The following HAP1 variants were observed in gnomAD, a reference collection of about 807,000 sequenced individuals.
HAP1 encodes the protein huntingtin-associated protein 1.
Under a neutral mutation model 60.3 loss-of-function variants are expected in HAP1, and 59 were observed. That is an observed-to-expected ratio of 0.98 (90% CI 0.79 to 1.22). The LOEUF (loss-of-function observed/expected upper bound fraction) is 1.22, where lower values mean the gene tolerates loss of function less well. HAP1 is among the 50% of genes most tolerant of loss of function. HAP1 has a pLI of 0.00. For missense variants in HAP1, 825 were observed against 785.3 expected (o/e 1.05, Z -0.60); for synonymous variants, 346 against 330.6 (o/e 1.05, Z -0.50).
chr17:41,732,031 C>T lies in HAP1; in HGVS notation c.802G>A (p.Glu268Lys). The change falls in exon 4 of 11, where the codon GAG becomes AAG. Residue 268 changes from glutamate (E) to lysine (K), a missense_variant. Glu to Lys is a moderately conservative substitution (Grantham distance 56). Transcript: ENST00000347901. ...TCTGCCTCCTTTTCTTCCTCCTCCT[C>T]TTCTTCATCCTCATCCTCCTCATCA... ...DSDEEDEDEE[E>K]EEEEKEAEEE... is the part of the protein sequence containing the mutation. The T allele has an allele frequency of 6.4e-7, 1 of 1,566,444 alleles. No individual in the cohort carries two copies. The highest frequency in any genetic ancestry group is 8.8e-7 in the Non-Finnish European group (1 of 1,136,734).
rs1567787762 is a variant in HAP1, at chr17:41,734,575, T to C, written c.60A>G (p.Pro20=). 2.5e-6 allele frequency: 4 copies of C among 1,596,320 alleles called. No individual in the cohort carries two copies. The highest frequency in any genetic ancestry group is 3.4e-6 in the Non-Finnish European group (4 of 1,172,548). ...GCGAAGGTGCACAGGTGAGTGCTGC[T>C]GGGTCCCCGGGTCCGAGCCGGCTCC... ...CAGSRLGPGD[P]AALTCAPSPS... is the part of the protein sequence containing the mutation. The change falls in exon 1 of 11, where the codon CCA becomes CCG. Residue 20 remains proline, a synonymous_variant. Coordinates refer to ENST00000347901, the MANE Select transcript of HAP1 (RefSeq NM_177977.3).
At position 41,732,382 on chromosome 17, in the gene HAP1, C is replaced by G; in HGVS notation, c.562G>C (p.Val188Leu). 6.2e-7 allele frequency: 1 copy of G among 1,614,056 alleles called. No individual in the cohort carries two copies. ...ATCCCATAGGTAACGCTCTCCCAGACAGGTGGGAGAAGCTGGGGGGGACAC... is the reference window on the plus strand; with the variant it reads ...ATCCCATAGGTAACGCTCTCCCAGAGAGGTGGGAGAAGCTGGGGGGGACAC... ...LYLLEELLPP[V>L]WESVTYGMVL... The change falls in exon 3 of 11, where the codon GTC becomes CTC. Residue 188 changes from valine (V) to leucine (L), a missense_variant. By Grantham distance (32) the Val-to-Leu change is conservative. Coordinates refer to ENST00000347901, the MANE Select transcript of HAP1 (RefSeq NM_177977.3).
intron 9 of HAP1, among the ~76,000 whole-genome samples, chr17:41,726,476 C>T (rs564968070): frequency 1.2e-4 from 18 of 151,588 alleles, no homozygotes; most frequent in African/African-American, 4.1e-4. Flanking sequence ...GCAGGAGACT[C>T]GCTTGAACCC....
downstream of HAP1, among the ~76,000 whole-genome samples, chr17:41,720,395 A>C (rs1421432987): frequency 2.7e-5 from 4 of 147,984 alleles, no homozygotes; most frequent in Non-Finnish European, 4.5e-5. Context: ...GGGTTTCTCC[A>C]TGTTGCTCAG....
At position 41,723,885 on chromosome 17, in the gene HAP1, C is replaced by CT. The variant is rs145089449; in HGVS notation, c.*815_*816insA. The stretch of plus-strand genomic sequence containing the variant: ...AGAGAGGACGGGCTCAGATCTACCC[C>CT]GGCTGTGTGGCCCCAAACAAGTGTC... On this transcript the variant is annotated 3_prime_UTR_variant, in exon 11 of 11. Coordinates refer to ENST00000347901, the MANE Select transcript of HAP1 (RefSeq NM_177977.3). 0.037 allele frequency: 5,702 copies of CT among 152,310 alleles called. 239 individuals are homozygous for CT. The highest frequency in any genetic ancestry group is 0.11 in the African/African-American group (4,418 of 41,482). 9.4% of individuals were successfully genotyped at this position (152,310 alleles called of 1,614,324 possible).
At chr17:41,727,187 AC>A (rs1911718446) in intron 8 of HAP1, 43 bp from the exon 9 acceptor site, 2 of 1,026,120 alleles carry the variant, frequency 1.9e-6, no homozygotes, top group African/African-American at 1.6e-5. Flanking sequence ...CCCCCACAGA[AC>A]CCCCACCCAT....
In HAP1 at chr17:41,730,972, G is replaced by A. The variant is rs144135161; in HGVS notation, c.1069+521C>T. Among the ~76,000 whole-genome samples, 66 of 151,456 alleles carry A rather than the reference G, an allele frequency of 4.4e-4. No homozygotes were observed. The East Asian group carries it at 9.0e-3, about 21-fold the overall frequency. On this transcript the variant is annotated intron_variant, in intron 6 of 10. Transcript: ENST00000347901. ...GTCGCCCAGGCTGGGGTGCAGTGGC[G>A]TGATCTAGGCTCACTGCAAACTCTG...
Position 41,724,747 on chromosome 17 carries a change from GC to G in HAP1, c.1813del (p.Ala605ProfsTer48), listed in dbSNP as rs1555588155. The G allele has an allele frequency of 3.8e-6, 6 of 1,598,108 alleles. No homozygotes were observed. Reference sequence around the variant, plus strand: ...GCTTGTCCGGCTGGCGGCAGGGAGGGCCCCGTGGGGGCACTCACCTTTCTGG... The same window carrying G: ...GCTTGTCCGGCTGGCGGCAGGGAGGGCCCGTGGGGGCACTCACCTTTCTGG... ...MLQKGECPHG[A>X]LPAASRTSCR... is the part of the protein sequence containing the mutation. On this transcript the variant is annotated frameshift_variant, in exon 11 of 11. Transcript: ENST00000347901. LOFTEE classifies it high-confidence loss of function.
downstream of HAP1, chr17:41,721,009 G>A (rs2074991433): frequency 2.0e-5 from 3 of 152,028 alleles, no homozygotes; most frequent in African/African-American, 4.8e-5. Flanking sequence ...CCATTGGTCA[G>A]GCTGGTCTCG....
intron 6 of HAP1, 130 bp downstream of exon 6, chr17:41,731,363 A>G: frequency 1.3e-6 from 1 of 747,234 alleles, no homozygotes; most frequent in Non-Finnish European, 2.5e-6. Context: ...AGGTCAAGGA[A>G]TGTATCCAAG....
At chr17:41,726,403 C>CAAA (rs35627526) in intron 9 of HAP1, among the ~76,000 whole-genome samples, 3 of 136,452 alleles carry the variant, frequency 2.2e-5, no homozygotes, top group African/African-American at 5.7e-5. Context: ...GACTCCATCT[C>CAAA]AAAAAACAAA....
chr17:41,728,965 T>C (rs1555589745), intron 6 of HAP1, among the ~76,000 whole-genome samples: 1 of 145,150 alleles, frequency 6.9e-6, no homozygotes, highest in Non-Finnish European at 1.5e-5. Context: ...TTTATTTATT[T>C]GAGACCGAAT....
intron 8 of HAP1, chr17:41,727,539 G>C (rs1456244146): frequency 5.6e-6 from 4 of 708,676 alleles, no homozygotes; most frequent in Admixed American, 3.8e-5. Context: ...TGGACTCCAA[G>C]TGTCATGTGG....
At chr17:41,731,900 A>T (rs1567785018) in intron 4 of HAP1, 37 bp downstream of exon 4, 3 of 827,636 alleles carry the variant, frequency 3.6e-6, no homozygotes, top group Non-Finnish European at 4.1e-6. Flanking sequence ...ATTGAGGCTC[A>T]GAGAAAGGAC....
Position 41,732,815 on chromosome 17 carries a change from G to A in HAP1, c.470-17C>T, listed in dbSNP as rs782690229. On this transcript the variant is annotated splice_polypyrimidine_tract_variant and intron_variant, in intron 1 of 10. Coordinates refer to ENST00000347901, the MANE Select transcript of HAP1 (RefSeq NM_177977.3). ...GACACAGTGCTGCAGGAGGCGGCAGGTGGGGAGAAAAGGCCCAGCCAGGTC... is the reference window on the plus strand; with the variant it reads ...GACACAGTGCTGCAGGAGGCGGCAGATGGGGAGAAAAGGCCCAGCCAGGTC... 2.0e-6 allele frequency: 3 copies of A among 1,511,606 alleles called. No individual in the cohort carries two copies. The highest frequency in any genetic ancestry group is 2.8e-6 in the Non-Finnish European group (3 of 1,087,034). 93.6% of individuals were successfully genotyped at this position (1,511,606 alleles called of 1,614,324 possible). A position where few individuals can be genotyped will look rare whatever the true frequency, so the allele number is the denominator to read the frequency against.
intron 10 of HAP1, 121 bp from the exon 11 acceptor site, chr17:41,725,275 G>A (rs139821233): frequency 3.7e-6 from 3 of 809,176 alleles, no homozygotes; most frequent in South Asian, 3.6e-5. Context: ...CCAGGGGAGA[G>A]GGGAGCTAGG....
downstream of HAP1, among the ~76,000 whole-genome samples, chr17:41,719,463 C>T (rs1382044558): frequency 2.0e-5 from 3 of 152,132 alleles, no homozygotes; most frequent in Non-Finnish European, 4.4e-5. Context: ...GAAGCCAAGG[C>T]AGGCGGATCA....
At position 41,728,271 on chromosome 17, in the gene HAP1, T is replaced by C. The variant is rs1197848551; in HGVS notation, c.1130A>G (p.Tyr377Cys). The C allele has an allele frequency of 1.9e-6, 3 of 1,613,254 alleles. No homozygotes were observed. Among genetic ancestry groups the C allele is most frequent in the African/African-American group, 1.3e-5 (1 of 74,916 alleles). The change falls in exon 7 of 11, where the codon TAT becomes TGT. Residue 377 changes from tyrosine to cysteine, a missense_variant. Physicochemically the swap from Tyr to Cys is radical, Grantham distance 194. Transcript: ENST00000347901. ...SEVLVLRLENYERQQQEVARL... is the reference protein window; with the variant it reads ...SEVLVLRLENCERQQQEVARL... ...AGCGACCTCCTGCTGCTGCCGTTCA[T>C]AGTTTTCCAGCCTGAGCACCAGCAC...
At position 41,723,039 on chromosome 17, in the gene HAP1, A is replaced by C. The variant is rs1555587458; in HGVS notation, c.*1662T>G. On this transcript the variant is annotated 3_prime_UTR_variant, in exon 11 of 11. Coordinates refer to ENST00000347901, the MANE Select transcript of HAP1 (RefSeq NM_177977.3). ...ACAGGGAAGACAGCCAGGTCCCTCA[A>C]GTCAACAAGAACCAGGGTGGCTACC... 6.6e-6 allele frequency: 1 copy of C among 152,402 alleles called. No individual in the cohort carries two copies. The highest frequency in any genetic ancestry group is 6.5e-5 in the Admixed American group (1 of 15,276). The allele number at this position is 152,402 out of a possible 1,614,324, so 9.4% of individuals were successfully genotyped here. A position where few individuals can be genotyped will look rare whatever the true frequency, so the allele number is the denominator to read the frequency against.
Sources: allele counts gnomAD v4.1 joint callset (sites outside exome capture counted in the v4.1 genomes callset), GRCh38; gene constraint gnomAD v4.1.1; transcripts MANE v1.5; gene names NCBI Gene and HGNC (gene_info 2026-07-23, HGNC 2026-07-21).